LMBRD1: variants seen among roughly 807,000 people sequenced by gnomAD.
LMBRD1 encodes the protein LMBR1 domain containing 1.
In LMBRD1, 64 loss-of-function variants were observed where a neutral mutation model predicts 74.8. The observed-to-expected ratio is 0.86, with a 90% CI of 0.70 to 1.05. The LOEUF is 1.05. Among genes scored for constraint, LMBRD1 ranks in the 50% least tolerant of loss-of-function variants. The pLI, the probability that LMBRD1 is intolerant of heterozygous loss-of-function variation, is 0.00. For missense variants in LMBRD1, 652 were observed against 645.9 expected (o/e 1.01, Z -0.10); for synonymous variants, 204 against 216.3 (o/e 0.94, Z 0.50).
chr6:69,775,738 CACA>C (rs1458684417), intron 3 of LMBRD1, among the ~76,000 whole-genome samples: 2 of 152,168 alleles, frequency 1.3e-5, no homozygotes, highest in African/African-American at 4.8e-5. Context: ...ACTTGTGTCT[CACA>C]ACATCTCAAT....
chr6:69,711,732 G>A (rs1316201684), intron 9 of LMBRD1, among the ~76,000 whole-genome samples: 1 of 152,132 alleles, frequency 6.6e-6, no homozygotes, highest in African/African-American at 2.4e-5. Context: ...TTTTTAGGGT[G>A]AGCAGTTAGT....
Position 69,790,558 on chromosome 6 carries a change from A to G in LMBRD1, c.70-86T>C. On this transcript the variant is annotated intron_variant, in intron 1 of 15. Transcript: ENST00000649934. ...TGTGTTTGAAAGTTTCTAGCAGGAA[A>G]CCTTATGTGAAGTAAAGGTTATTTT... 5 of 1,367,024 alleles carry G rather than the reference A, an allele frequency of 3.7e-6. No homozygotes were observed. In the Admixed American group the frequency reaches 8.6e-5, roughly 23 times the overall value. 84.7% of individuals were successfully genotyped at this position (1,367,024 alleles called of 1,614,324 possible). A position where few individuals can be genotyped will look rare whatever the true frequency, so the allele number is the denominator to read the frequency against.
chr6:69,704,907 G>GTCT (rs1554232081), intron 9 of LMBRD1, among the ~76,000 whole-genome samples: 1 of 137,310 alleles, frequency 7.3e-6, no homozygotes, highest in African/African-American at 2.7e-5. Flanking sequence ...TTGGACATTT[G>GTCT]TTTTTTTTTT....
At chr6:69,768,789 T>C (rs989687818) in intron 3 of LMBRD1, among the ~76,000 whole-genome samples, 5 of 152,134 alleles carry the variant, frequency 3.3e-5, no homozygotes, top group Admixed American at 2.6e-4. Context: ...TCAGGTTTTA[T>C]CTTGGAATGT....
chr6:69,705,499 A>T (rs527251898), intron 9 of LMBRD1: 2 of 1,234,338 alleles, frequency 1.6e-6, no homozygotes, highest in Non-Finnish European at 2.3e-6. Flanking sequence ...AAGGATTCTT[A>T]CCCGTTTGAT....
At chr6:69,721,636 T>C (rs896991368) in intron 7 of LMBRD1, among the ~76,000 whole-genome samples, 13 of 152,182 alleles carry the variant, frequency 8.5e-5, no homozygotes, top group African/African-American at 3.1e-4. Context: ...ATCCAGCACA[T>C]TCCCAGCTAT....
intron 3 of LMBRD1, among the ~76,000 whole-genome samples, chr6:69,755,729 A>G (rs1395412046): frequency 1.3e-5 from 2 of 152,086 alleles, no homozygotes; most frequent in African/African-American, 4.8e-5. Flanking sequence ...TGTAAACTAG[A>G]AAAAAAAGTG....
chr6:69,760,260 T>C (rs1765347959), intron 3 of LMBRD1, among the ~76,000 whole-genome samples: 1 of 152,218 alleles, frequency 6.6e-6, no homozygotes, highest in Non-Finnish European at 1.5e-5. Flanking sequence ...TCATACACAA[T>C]GAAATTATAC....
intron 3 of LMBRD1, among the ~76,000 whole-genome samples, chr6:69,780,028 T>C (rs9346352): frequency 0.35 from 53,310 of 151,820 alleles, 10,094 homozygotes; most frequent in East Asian, 0.54. Flanking sequence ...CACATGTTCC[T>C]GGCGACATGG....
chr6:69,796,747 G>T, intron 1 of LMBRD1, 66 bp downstream of exon 1: 7 of 1,489,632 alleles, frequency 4.7e-6, no homozygotes, highest in Non-Finnish European at 5.6e-6. Context: ...GAGGCCAACT[G>T]CAGGGCCTGC....
At chr6:69,741,906 A>T in intron 5 of LMBRD1, 29 bp from the exon 6 acceptor site, 1 of 1,219,280 alleles carries the variant, frequency 8.2e-7, no homozygotes, top group Non-Finnish European at 1.2e-6. Context: ...TTGTTTTAAT[A>T]GCTTTAAAGA....
At chr6:69,793,099 A>T (rs1766122764) in intron 1 of LMBRD1, among the ~76,000 whole-genome samples, 1 of 152,260 alleles carries the variant, frequency 6.6e-6, no homozygotes. Context: ...GTGGCTGGCC[A>T]TAGTAACTGC....
At chr6:69,760,452 T>C (rs1765351647) in intron 3 of LMBRD1, among the ~76,000 whole-genome samples, 1 of 152,042 alleles carries the variant, frequency 6.6e-6, no homozygotes, top group African/African-American at 2.4e-5. Context: ...ATAGAAGAAA[T>C]GGCATCAGGA....
At chr6:69,763,244 A>C (rs1298828511) in intron 3 of LMBRD1, among the ~76,000 whole-genome samples, 2 of 151,812 alleles carry the variant, frequency 1.3e-5, no homozygotes, top group Non-Finnish European at 2.9e-5. Context: ...GAAAAAAAAA[A>C]AAGGAATTGT....
At chr6:69,727,460 T>C (rs1040678216) in intron 7 of LMBRD1, among the ~76,000 whole-genome samples, 1 of 152,212 alleles carries the variant, frequency 6.6e-6, no homozygotes, top group African/African-American at 2.4e-5. Context: ...TGTAGAGTAA[T>C]TTCCCTCTAA....
chr6:69,690,740 T>C (rs1562085126), intron 14 of LMBRD1, among the ~76,000 whole-genome samples: 1 of 152,114 alleles, frequency 6.6e-6, no homozygotes, highest in Non-Finnish European at 1.5e-5. Flanking sequence ...GTGTACCTCA[T>C]AAATATATAT....
chr6:69,713,679 C>T lies in LMBRD1; in HGVS notation c.881G>A (p.Trp294Ter). 1.2e-6 allele frequency: 2 copies of T among 1,613,566 alleles called. No homozygotes were observed. Among genetic ancestry groups the T allele is most frequent in the Non-Finnish European group, 1.7e-6 (2 of 1,179,656 alleles). The stretch of plus-strand genomic sequence containing the variant: ...ACGCAGAGCGCCACAAAATTTTGTC[C>T]ACCAGCTGTTTTCAATGAATTCTAA... The part of the protein sequence containing the change: ...RHLEFIENSW[W>*]TKFCGALRPL... The change falls in exon 9 of 16, where the codon TGG (tryptophan) becomes TAG (stop). Residue 294 changes from tryptophan (W) to a stop codon, truncating the protein, a stop_gained. Transcript: ENST00000649934. LOFTEE classifies it high-confidence loss of function.
At chr6:69,708,443 C>G (rs1766309782) in intron 9 of LMBRD1, among the ~76,000 whole-genome samples, 1 of 151,992 alleles carries the variant, frequency 6.6e-6, no homozygotes, top group South Asian at 2.1e-4. Context: ...ATTCCCACAA[C>G]AAAATAAAGT....
chr6:69,701,325 C>T, intron 11 of LMBRD1, 118 bp downstream of exon 11: 1 of 656,480 alleles, frequency 1.5e-6, no homozygotes, highest in Non-Finnish European at 2.7e-6. Flanking sequence ...ATATGTCAAA[C>T]TATTCATAGG....
Sources: gnomAD v4.1 joint callset for allele counts (sites outside exome capture counted in the v4.1 genomes callset) on GRCh38, gnomAD v4.1.1 for gene constraint, MANE v1.5 for transcripts, NCBI Gene and HGNC (gene_info 2026-07-23, HGNC 2026-07-21) for gene names.